The following SNX25 variants were observed in gnomAD, a reference collection of about 807,000 sequenced individuals.
SNX25 encodes sorting nexin 25, also known as sorting nexin-25.
A neutral mutation model predicts 113.7 loss-of-function variants in SNX25; 62 were observed. The observed-to-expected ratio is 0.55, with a 90% CI of 0.44 to 0.67. The LOEUF is 0.67. SNX25 is among the 30% of genes least tolerant of loss of function. The pLI is 0.00. For missense variants in SNX25, 1,014 were observed against 1,161.0 expected (o/e 0.87, Z 1.84); for synonymous variants, 421 against 436.2 (o/e 0.97, Z 0.43).
At chr4:185,287,487 C>T (rs150203618) in intron 5 of SNX25, among the ~76,000 whole-genome samples, 502 of 152,328 alleles carry the variant, frequency 3.3e-3, no homozygotes, top group African/African-American at 0.011. Context: ...ACGGCACCAT[C>T]CAGTAGAACT....
intron 7 of SNX25, among the ~76,000 whole-genome samples, chr4:185,312,481 A>G (rs2095038306): frequency 6.6e-6 from 1 of 152,014 alleles, no homozygotes; most frequent in Non-Finnish European, 1.5e-5. Context: ...AGTGTCTACT[A>G]GAAGTAGACT....
At chr4:185,287,191 AG>A (rs748306741) in intron 5 of SNX25, among the ~76,000 whole-genome samples, 31 of 152,330 alleles carry the variant, frequency 2.0e-4, no homozygotes, top group Admixed American at 8.5e-4. Context: ...CTACAACTCC[AG>A]GGTTGTACTC....
chr4:185,206,542 C>G (rs962260488), upstream of SNX25, among the ~76,000 whole-genome samples: 1 of 151,514 alleles, frequency 6.6e-6, no homozygotes, highest in African/African-American at 2.4e-5. Flanking sequence ...GCCTGTAATC[C>G]CAGCTACTCG....
chr4:185,250,917 T>A (rs1362909585), intron 2 of SNX25, among the ~76,000 whole-genome samples: 4 of 152,172 alleles, frequency 2.6e-5, no homozygotes, highest in Non-Finnish European at 5.9e-5. Flanking sequence ...ATTAAAAAAA[T>A]TTTAATTGTG....
intron 1 of SNX25, among the ~76,000 whole-genome samples, chr4:185,226,027 G>T (rs138440645): frequency 5.9e-5 from 9 of 152,302 alleles, no homozygotes; most frequent in Non-Finnish European, 1.3e-4. Flanking sequence ...GTCTCAGAAT[G>T]AACTTGAATG....
intron 15 of SNX25, among the ~76,000 whole-genome samples, chr4:185,354,422 T>G (rs1332696585): frequency 1.3e-5 from 2 of 152,154 alleles, no homozygotes; most frequent in East Asian, 1.9e-4. Flanking sequence ...TCTGAAAATG[T>G]TTTTGATTGT....
At chr4:185,286,571 C>T (rs887064877) in intron 5 of SNX25, among the ~76,000 whole-genome samples, 9 of 152,328 alleles carry the variant, frequency 5.9e-5, no homozygotes, top group East Asian at 1.9e-4. Context: ...AATCCCTACC[C>T]GGTGACTCCT....
intron 5 of SNX25, among the ~76,000 whole-genome samples, chr4:185,272,920 T>C (rs558739128): frequency 6.6e-6 from 1 of 152,350 alleles, no homozygotes; most frequent in South Asian, 2.1e-4. Context: ...CACTTGGGGC[T>C]AGATAATTCT....
downstream of SNX25, chr4:185,371,070 G>T: frequency 8.3e-6 from 3 of 362,242 alleles, no homozygotes; most frequent in South Asian, 1.3e-4. Flanking sequence ...ACAAAGGTAT[G>T]TTTCTTTTTT....
chr4:185,377,018 T>C, the SNX25 span: 1 of 1,601,956 alleles, frequency 6.2e-7, no homozygotes, highest in Non-Finnish European at 8.6e-7. Flanking sequence ...ATGGGTGTAA[T>C]CTGATTTTAA....
chr4:185,255,000 T>C lies in SNX25; in HGVS notation c.515-3848T>C, dbSNP rs370814860. Reference sequence around the variant, plus strand: ...CTTAATAAAAGCCATGAAATAATTTTATGGTTACGAATTTCTCTGTCTCCT... The same window carrying C: ...CTTAATAAAAGCCATGAAATAATTTCATGGTTACGAATTTCTCTGTCTCCT... On this transcript the variant is annotated intron_variant, in intron 2 of 18. Transcript: ENST00000652585. 7.9e-5 allele frequency among the ~76,000 whole-genome samples: 12 copies of C among 152,320 alleles called. No individual in the cohort carries two copies. In the East Asian group the frequency reaches 1.2e-3, roughly 15 times the overall value.
Position 185,260,218 on chromosome 4 carries a change from TCTTA to T in SNX25, c.731+1159_731+1162del, listed in dbSNP as rs1747097368. ...AGAAAGTAAAACATTGGTTTTATTT[TCTTA>T]CTTAAAAGAAAGTAAAACAATGGTT... On this transcript the variant is annotated intron_variant, in intron 3 of 18. Transcript: ENST00000652585. 5.0e-5 allele frequency among the ~76,000 whole-genome samples: 7 copies of T among 140,212 alleles called. No individual in the cohort carries two copies. In the South Asian group the frequency reaches 1.6e-3, roughly 32 times the overall value. The allele number at this position is 140,212 out of a possible 152,430, so 92.0% of individuals were successfully genotyped here. A position where few individuals can be genotyped will look rare whatever the true frequency, so the allele number is the denominator to read the frequency against.
At chr4:185,374,347 C>T, downstream of SNX25, 1 of 1,614,132 alleles carries the variant, frequency 6.2e-7, no homozygotes, top group South Asian at 1.1e-5. Flanking sequence ...GATCGTTTAA[C>T]ACCTTTTCCT....
intron 2 of SNX25, 55 bp downstream of exon 2, chr4:185,247,433 A>T: frequency 8.0e-7 from 1 of 1,245,014 alleles, no homozygotes; most frequent in Non-Finnish European, 1.2e-6. Context: ...ATTATGTTCT[A>T]AGAGGAAAAT....
intron 6 of SNX25, among the ~76,000 whole-genome samples, chr4:185,300,952 T>C (rs1447153783): frequency 6.6e-6 from 1 of 152,050 alleles, no homozygotes; most frequent in African/African-American, 2.4e-5. Context: ...TGGGGCACTT[T>C]AGGCCTCAGA....
the SNX25 span, chr4:185,378,252 A>G: frequency 1.2e-6 from 2 of 1,600,494 alleles, no homozygotes; most frequent in Non-Finnish European, 1.7e-6. Context: ...TTCTTCCTCC[A>G]GCGAAGTGCA....
chr4:185,230,733 G>A (rs552560547), intron 1 of SNX25, among the ~76,000 whole-genome samples: 15 of 152,042 alleles, frequency 9.9e-5, no homozygotes, highest in African/African-American at 2.9e-4. Flanking sequence ...GGACCAGTTC[G>A]CAGTGTTTCC....
At chr4:185,240,341 G>A (rs6852339) in intron 1 of SNX25, among the ~76,000 whole-genome samples, 44,864 of 148,910 alleles carry the variant, frequency 0.3, 7,549 homozygotes, top group East Asian at 0.52. Context: ...CAGTAGGGGC[G>A]GCCGGGCAGA....
intron 12 of SNX25, 71 bp from the exon 13 acceptor site, chr4:185,346,466 G>T: frequency 9.5e-7 from 1 of 1,053,498 alleles, no homozygotes; most frequent in South Asian, 1.5e-5. Context: ...TGTTCTAATT[G>T]TTATTCTAAA....
Sources: gnomAD v4.1 joint callset for allele counts (sites outside exome capture counted in the v4.1 genomes callset) on GRCh38, gnomAD v4.1.1 for gene constraint, MANE v1.5 for transcripts, NCBI Gene and HGNC (gene_info 2026-07-23, HGNC 2026-07-21) for gene names.